The following DYNC2H1 variants were observed in gnomAD, a reference collection of about 807,000 sequenced individuals.
The protein encoded by DYNC2H1 is dynein cytoplasmic 2 heavy chain 1.
Under a neutral mutation model 570.0 loss-of-function variants are expected in DYNC2H1, and 410 were observed. The observed-to-expected ratio is 0.72, with a 90% confidence interval of 0.66 to 0.78. The LOEUF (loss-of-function observed/expected upper bound fraction) is 0.78. Ranked by LOEUF, DYNC2H1 falls within the 30% of genes least tolerant of loss-of-function variation. DYNC2H1 has a pLI of 0.00. For missense variants in DYNC2H1, 4,865 were observed against 5,046.4 expected (o/e 0.96, Z 1.09); for synonymous variants, 1,688 against 1,677.6 (o/e 1.01, Z -0.15).
chr11:103,403,344 T>A (rs1039576662), intron 84 of DYNC2H1: 8 of 152,202 alleles, frequency 5.3e-5, no homozygotes, highest in African/African-American at 1.9e-4. Context: ...TTTGGTAGTT[T>A]TAACTGAATA....
chr11:103,115,574 G>T (rs1858344265), intron 4 of DYNC2H1, among the ~76,000 whole-genome samples: 1 of 152,152 alleles, frequency 6.6e-6, no homozygotes, highest in Admixed American at 6.6e-5. Context: ...GAGGTGGGTG[G>T]ATCACTTGAG....
rs751411944 is a variant in DYNC2H1, at chr11:103,399,701, C to T, written c.12195C>T (p.Asn4065=). The change falls in exon 84 of 89, where the codon AAC becomes AAT. Residue 4065 remains asparagine (N), a synonymous_variant. Transcript: ENST00000375735. ...NLIHQKVPPP[N]DRQGSPILSF... ...TACATCAGAAAGTGCCTCCTCCTAACGATCGACAAGGATCTCCAATACTGT... is the reference window on the plus strand; with the variant it reads ...TACATCAGAAAGTGCCTCCTCCTAATGATCGACAAGGATCTCCAATACTGT... The T allele has an allele frequency of 2.4e-5, 39 of 1,613,462 alleles. No homozygotes were observed. Among genetic ancestry groups the T allele is most frequent in the South Asian group, 1.6e-4 (15 of 90,968 alleles).
intron 73 of DYNC2H1, among the ~76,000 whole-genome samples, chr11:103,286,038 T>C (rs537849822): frequency 1.3e-5 from 2 of 152,350 alleles, no homozygotes; most frequent in South Asian, 4.1e-4. Context: ...AGTACTGATT[T>C]AGTACTACTT....
chr11:103,188,538 G>A lies in DYNC2H1; in HGVS notation c.7182G>A (p.Trp2394Ter), dbSNP rs1054362971. The change falls in exon 44 of 89, where the codon TGG becomes TGA. Residue 2394 changes from tryptophan to a stop codon, truncating the protein, a stop_gained. Transcript: ENST00000375735. LOFTEE classifies it high-confidence loss of function. ...YQGFYDENLE[W>*]VGLENIQIVA... The stretch of plus-strand genomic sequence containing the variant: ...GATTTTATGATGAAAATTTGGAATG[G>A]GTTGGTCTAGAAAATATTCAAATTG... 6.2e-7 allele frequency: 1 copy of A among 1,608,654 alleles called. No homozygotes were observed. Among genetic ancestry groups the A allele is most frequent in the South Asian group, 1.1e-5 (1 of 90,192 alleles).
chr11:103,358,997 T>C (rs1940501355), intron 83 of DYNC2H1, among the ~76,000 whole-genome samples: 1 of 152,192 alleles, frequency 6.6e-6, no homozygotes, highest in Non-Finnish European at 1.5e-5. Flanking sequence ...TTTGGAGACA[T>C]AATCCAGGTA....
At chr11:103,259,123 C>T (rs1444114750) in intron 69 of DYNC2H1, among the ~76,000 whole-genome samples, 1 of 151,928 alleles carries the variant, frequency 6.6e-6, no homozygotes, top group East Asian at 1.9e-4. Context: ...AGGTTTTTTT[C>T]TTGGTATTAA....
At position 103,155,443 on chromosome 11, in the gene DYNC2H1, T is replaced by A; in HGVS notation, c.3686T>A (p.Leu1229Gln). Residue 1229 changes from leucine (L) to glutamine (Q), a missense_variant, in exon 25 of 89, where the codon CTG becomes CAG. Leu to Gln is a moderately radical substitution (Grantham distance 113, BLOSUM62 -2). Coordinates refer to ENST00000375735, the MANE Select transcript of DYNC2H1 (RefSeq NM_001377.3). ...AGGGGGACTAGTCTAGAGAAACTAC[T>A]GTTTGGTGATTTGCTCAGAGTAGCT... ...LPRGTSLEKL[L>Q]FGDLLRVADT... 1 of 1,612,666 alleles carries A rather than the reference T, an allele frequency of 6.2e-7. No homozygotes were observed. The highest frequency in any genetic ancestry group is 8.5e-7 in the Non-Finnish European group (1 of 1,179,154).
At chr11:103,223,891 G>A (rs6591006) in intron 59 of DYNC2H1, among the ~76,000 whole-genome samples, 2,787 of 151,958 alleles carry the variant, frequency 0.018, 82 homozygotes, top group African/African-American at 0.062. Flanking sequence ...GGGATTACAG[G>A]CATGTGCCAC....
chr11:103,158,528 A>T, intron 26 of DYNC2H1, 149 bp from the exon 27 acceptor site: 1 of 536,202 alleles, frequency 1.9e-6, no homozygotes, highest in Non-Finnish European at 3.2e-6. Context: ...ATAGTGTGAT[A>T]TTAATATTTA....
intron 83 of DYNC2H1, among the ~76,000 whole-genome samples, chr11:103,390,382 T>A (rs962175501): frequency 1.3e-5 from 2 of 150,700 alleles, no homozygotes; most frequent in African/African-American, 2.5e-5. Flanking sequence ...ATTTTGAGTC[T>A]ATATGTGTCT....
chr11:103,374,836 A>T (rs1442333398), intron 83 of DYNC2H1, among the ~76,000 whole-genome samples: 1 of 152,246 alleles, frequency 6.6e-6, no homozygotes, highest in Non-Finnish European at 1.5e-5. Flanking sequence ...TTGCAGTCTG[A>T]CGATGCAGTA....
chr11:103,161,187 T>G (rs1861077721), intron 29 of DYNC2H1, 143 bp downstream of exon 29: 1 of 455,212 alleles, frequency 2.2e-6, no homozygotes, highest in Admixed American at 4.5e-5. Flanking sequence ...TAAAAATGAT[T>G]TGTTTTGTTA....
In DYNC2H1 at chr11:103,283,011, T is replaced by A; in HGVS notation, c.10816T>A (p.Ser3606Thr). ...VVGDMLRKADSQQKIRDQLPS... is the reference protein window; with the variant it reads ...VVGDMLRKADTQQKIRDQLPS... ...AAAATAATTGCTTTTATTAAAGGAC[T>A]CTCAACAAAAAATACGTGATCAGCT... Residue 3606 changes from serine to threonine, a missense_variant, in exon 73 of 89, where the codon TCT becomes ACT. Physicochemically the swap from Ser to Thr is moderately conservative, Grantham distance 58. Around this residue, in one of 5 missense-constraint regions of DYNC2H1, gnomAD observed 2,401 missense variants for 2,454.6 expected, o/e 0.98. Transcript: ENST00000375735. 6.3e-7 allele frequency: 1 copy of A among 1,599,924 alleles called. No individual in the cohort carries two copies. Among genetic ancestry groups the A allele is most frequent in the Non-Finnish European group, 8.5e-7 (1 of 1,173,420 alleles).
In DYNC2H1 at chr11:103,307,791, C is replaced by T; in HGVS notation, c.11453C>T (p.Thr3818Ile). Residue 3818 changes from threonine (T) to isoleucine (I), a missense_variant, in exon 78 of 89, where the codon ACT becomes ATT. Coordinates refer to ENST00000375735, the MANE Select transcript of DYNC2H1 (RefSeq NM_001377.3). The part of the protein sequence containing the change: ...WLTAEVHPNF[T>I]PILLQSSLKI... ...ACTGCAGAAGTTCATCCCAACTTTA[C>T]TCCTATTTTACTACAGTCAAGTCTG... is the stretch of plus-strand genomic sequence containing the variant. 2 of 1,604,742 alleles carry T rather than the reference C, an allele frequency of 1.2e-6. No homozygotes were observed. Among genetic ancestry groups the T allele is most frequent in the Non-Finnish European group, 1.7e-6 (2 of 1,174,874 alleles).
chr11:103,120,869 A>G (rs991557585), intron 8 of DYNC2H1, 56 bp from the exon 9 acceptor site: 49 of 1,168,384 alleles, frequency 4.2e-5, no homozygotes, highest in African/African-American at 6.4e-5. Flanking sequence ...AAATATATAT[A>G]TATTTACTGA....
intron 17 of DYNC2H1, among the ~76,000 whole-genome samples, chr11:103,138,527 G>A (rs1227952453): frequency 3.3e-5 from 5 of 152,190 alleles, no homozygotes; most frequent in Non-Finnish European, 7.3e-5. Flanking sequence ...ATTGATTTGT[G>A]TATATTGAAC....
At chr11:103,206,994 T>C (rs914057767) in intron 52 of DYNC2H1, among the ~76,000 whole-genome samples, 1 of 152,110 alleles carries the variant, frequency 6.6e-6, no homozygotes, top group African/African-American at 2.4e-5. Flanking sequence ...CAATCTCGGC[T>C]CACTGCAACT....
At chr11:103,464,642 T>C (rs905609354) in intron 87 of DYNC2H1, among the ~76,000 whole-genome samples, 5 of 152,154 alleles carry the variant, frequency 3.3e-5, no homozygotes, top group Non-Finnish European at 7.4e-5. Context: ...CAACACTAGA[T>C]GTCAGAAGAC....
intron 84 of DYNC2H1, chr11:103,407,184 T>G (rs1942896331): frequency 6.6e-6 from 1 of 151,832 alleles, no homozygotes; most frequent in Non-Finnish European, 1.5e-5. Flanking sequence ...CCTAGTATTG[T>G]GATAAGAGTT....
Sources: allele counts gnomAD v4.1 joint callset (sites outside exome capture counted in the v4.1 genomes callset), GRCh38; gene constraint gnomAD v4.1.1; regional missense constraint gnomAD v4.1.1; transcripts MANE v1.5; gene names NCBI Gene and HGNC (gene_info 2026-07-23, HGNC 2026-07-21).